CPHXL2: variants seen among roughly 807,000 people sequenced by gnomAD.
CPHXL2 encodes the protein cytoplasmic polyadenylated homeobox like 2, also known as cytoplasmic polyadenylated homeobox-like protein 2.
the CPHXL2 span, among the ~76,000 whole-genome samples, chr16:75,664,625 C>CAAAAAA: frequency 6.2e-5 from 7 of 113,032 alleles, no homozygotes; most frequent in African/African-American, 1.4e-4. Flanking sequence ...AACTCCATCT[C>CAAAAAA]AAAAAAAAAA....
At chr16:75,668,232 T>TA in the CPHXL2 span, among the ~76,000 whole-genome samples, 34 of 42,908 alleles carry the variant, frequency 7.9e-4, no homozygotes, top group Middle Eastern at 0.025. Flanking sequence ...TACATATATA[T>TA]TTTTTTTTTT....
the CPHXL2 span, among the ~76,000 whole-genome samples, chr16:75,662,719 C>T: frequency 6.6e-6 from 1 of 151,756 alleles, no homozygotes; most frequent in Non-Finnish European, 1.5e-5. Flanking sequence ...CCAAATTATT[C>T]AGGCTTTGAG....
chr16:75,675,542 G>T, the CPHXL2 span, among the ~76,000 whole-genome samples: 3 of 152,048 alleles, frequency 2.0e-5, no homozygotes, highest in Admixed American at 2.0e-4. Flanking sequence ...ATTCACCGAA[G>T]AAAAAATGTT....
chr16:75,672,142 G>C, the CPHXL2 span, among the ~76,000 whole-genome samples: 1 of 151,914 alleles, frequency 6.6e-6, no homozygotes, highest in Non-Finnish European at 1.5e-5. Context: ...AGCTGGTCAT[G>C]GTGGCGGGTG....
the CPHXL2 span, among the ~76,000 whole-genome samples, chr16:75,662,342 T>TG: frequency 1.3e-5 from 2 of 150,872 alleles, no homozygotes; most frequent in African/African-American, 4.9e-5. Context: ...TTTCTTTTTT[T>TG]TTTTTTTTTT....
At chr16:75,674,164 G>A in the CPHXL2 span, among the ~76,000 whole-genome samples, 1 of 151,410 alleles carries the variant, frequency 6.6e-6, no homozygotes, top group Non-Finnish European at 1.5e-5. Context: ...AAGAGGTCAG[G>A]AGATTGAGAC....
At chr16:75,661,921 G>A in the CPHXL2 span, among the ~76,000 whole-genome samples, 2 of 152,182 alleles carry the variant, frequency 1.3e-5, no homozygotes, top group Non-Finnish European at 2.9e-5. Context: ...CAAGCAATCA[G>A]TTCTGCAGTG....
At chr16:75,662,760 T>C in the CPHXL2 span, among the ~76,000 whole-genome samples, 3 of 151,610 alleles carry the variant, frequency 2.0e-5, no homozygotes, top group African/African-American at 7.3e-5. Flanking sequence ...GCTTTTTGTA[T>C]CCCAAGAAGC....
the CPHXL2 span, among the ~76,000 whole-genome samples, chr16:75,662,335 C>CT: frequency 0.013 from 1,676 of 126,756 alleles, 28 homozygotes; most frequent in Admixed American, 0.037. Flanking sequence ...TCTTTCTTTT[C>CT]TTTTTTTTTT....
chr16:75,669,467 ATTC>A, the CPHXL2 span: 3 of 400,550 alleles, frequency 7.5e-6, no homozygotes, highest in East Asian at 7.1e-5. Context: ...TCCTGCAATA[ATTC>A]TTCAGAAAAT....
chr16:75,672,118 GA>G, the CPHXL2 span, among the ~76,000 whole-genome samples: 30,673 of 145,244 alleles, frequency 0.21, 4,640 homozygotes, highest in East Asian at 0.64. Context: ...AAAAAAAAAA[GA>G]AAAAAAAAAA....
At chr16:75,660,419 G>C in the CPHXL2 span, 3 of 398,520 alleles carry the variant, frequency 7.5e-6, no homozygotes, top group Non-Finnish European at 1.3e-5. Context: ...GGGGAGGCAC[G>C]TGCTGCAGTT....
the CPHXL2 span, among the ~76,000 whole-genome samples, chr16:75,668,096 C>T: frequency 6.6e-6 from 1 of 152,166 alleles, no homozygotes; most frequent in African/African-American, 2.4e-5. Flanking sequence ...ATTTGCCTCA[C>T]TGCAGTCTAG....
chr16:75,672,799 C>T, the CPHXL2 span, among the ~76,000 whole-genome samples: 2 of 152,282 alleles, frequency 1.3e-5, no homozygotes, highest in African/African-American at 4.8e-5. Flanking sequence ...AATCCCAGCA[C>T]TTTGGGAGGC....
the CPHXL2 span, among the ~76,000 whole-genome samples, chr16:75,661,634 G>T: frequency 6.6e-6 from 1 of 151,878 alleles, no homozygotes; most frequent in Non-Finnish European, 1.5e-5. Flanking sequence ...GACGTGGATT[G>T]TTCCTACAAC....
chr16:75,665,037 A>T, the CPHXL2 span, among the ~76,000 whole-genome samples: 1 of 152,330 alleles, frequency 6.6e-6, no homozygotes, highest in South Asian at 2.1e-4. Flanking sequence ...GAGAGTCAAG[A>T]ATTTGTCAGA....
the CPHXL2 span, among the ~76,000 whole-genome samples, chr16:75,662,435 C>T: frequency 6.6e-6 from 1 of 151,712 alleles, no homozygotes; most frequent in Non-Finnish European, 1.5e-5. Flanking sequence ...CTTCCCCTTC[C>T]CAGAAGTTGG....
the CPHXL2 span, among the ~76,000 whole-genome samples, chr16:75,673,189 CT>C: frequency 6.6e-6 from 1 of 151,334 alleles, no homozygotes; most frequent in African/African-American, 2.4e-5. Context: ...AATCCCAGCA[CT>C]TTGGGAGGAC....
chr16:75,668,968 T>C, the CPHXL2 span, among the ~76,000 whole-genome samples: 3 of 152,210 alleles, frequency 2.0e-5, no homozygotes, highest in Non-Finnish European at 4.4e-5. Context: ...ATTCTGTACC[T>C]TTTTATCTAA....
Sources: gnomAD v4.1 joint callset for allele counts (sites outside exome capture counted in the v4.1 genomes callset) on GRCh38, gnomAD v4.1.1 for gene constraint, MANE v1.5 for transcripts, NCBI Gene and HGNC (gene_info 2026-07-23, HGNC 2026-07-21) for gene names.